The following KCNQ1 variants were observed in gnomAD, a reference collection of about 807,000 sequenced individuals.
KCNQ1 encodes potassium voltage-gated channel subfamily Q member 1.
A neutral mutation model predicts 72.4 loss-of-function variants in KCNQ1; 49 were observed. The ratio of observed to expected loss-of-function variants is 0.68; its 90% CI spans 0.54 to 0.86. The LOEUF (loss-of-function observed/expected upper bound fraction) is 0.86. Among genes scored for constraint, KCNQ1 ranks in the 40% least tolerant of loss-of-function variants. The pLI, the probability that KCNQ1 is intolerant of heterozygous loss-of-function variation, is 0.00. For missense variants in KCNQ1, 790 were observed against 945.1 expected (o/e 0.84, Z 2.15); for synonymous variants, 450 against 412.6 (o/e 1.09, Z -1.10).
chr11:2,761,000 C>A (rs990673722), intron 11 of KCNQ1, among the ~76,000 whole-genome samples: 1 of 152,242 alleles, frequency 6.6e-6, no homozygotes, highest in African/African-American at 2.4e-5. Flanking sequence ...CAGTTAGACC[C>A]CCTGCCTTAC....
At position 2,621,429 on chromosome 11, in the gene KCNQ1, T is replaced by A; in HGVS notation, c.1393+32575T>A. 2.5e-6 allele frequency: 1 copy of A among 398,656 alleles called. No homozygotes were observed. The highest frequency in any genetic ancestry group is 4.4e-6 in the Non-Finnish European group (1 of 226,070). The allele number at this position is 398,656 out of a possible 1,614,324, so 24.7% of individuals were successfully genotyped here. On this transcript the variant is annotated intron_variant, in intron 10 of 15. Coordinates refer to ENST00000155840, the MANE Select transcript of KCNQ1 (RefSeq NM_000218.3). This position sits in a 1 kb window ranked among gnomAD's most constrained non-coding sequence, Gnocchi z 5.7. ...CTTGTTGATTGGTTTAAGTTCCTTA[T>A]GGATTCTGGACATAGGACCTTTGCC...
In KCNQ1 at chr11:2,567,028, A is replaced by G. The variant is rs1484990057; in HGVS notation, c.478-3600A>G. ...TCCTGACACAGGGTCCTGAGGAGGC[A>G]GGGGTGCCCCAGGGAATGGGGGGCA... On this transcript the variant is annotated intron_variant, in intron 2 of 15. Coordinates refer to ENST00000155840, the MANE Select transcript of KCNQ1 (RefSeq NM_000218.3). The surrounding 1 kb of genome is among the most constrained non-coding windows in gnomAD (Gnocchi z 6.6). 6.8e-6 allele frequency among the ~76,000 whole-genome samples: 1 copy of G among 147,674 alleles called. No homozygotes were observed. The highest frequency in any genetic ancestry group is 2.5e-5 in the African/African-American group (1 of 40,248).
At chr11:2,846,360 A>G (rs1009919480) in intron 15 of KCNQ1, among the ~76,000 whole-genome samples, 1 of 151,760 alleles carries the variant, frequency 6.6e-6, no homozygotes, top group Non-Finnish European at 1.5e-5. Context: ...CCCCTCCCCC[A>G]CCACTTCTAG....
Position 2,550,511 on chromosome 11 carries a change from G to A in KCNQ1, c.478-20117G>A, listed in dbSNP as rs926440236. Among the ~76,000 whole-genome samples, 5 of 152,204 alleles carry A rather than the reference G, an allele frequency of 3.3e-5. No individual in the cohort carries two copies. The highest frequency in any genetic ancestry group is 9.7e-5 in the African/African-American group (4 of 41,442). On this transcript the variant is annotated intron_variant, in intron 2 of 15. Coordinates refer to ENST00000155840, the MANE Select transcript of KCNQ1 (RefSeq NM_000218.3). This position sits in a 1 kb window ranked among gnomAD's most constrained non-coding sequence, Gnocchi z 6.0. ...TGGAAAGCAGCCAAGGGCACTGCCC[G>A]CCCTGGGAGCTGATGCCTGACATGC...
At chr11:2,757,713 A>C (rs902950699) in intron 11 of KCNQ1, among the ~76,000 whole-genome samples, 1 of 152,248 alleles carries the variant, frequency 6.6e-6, no homozygotes, top group African/African-American at 2.4e-5. Flanking sequence ...AGGAATAAGC[A>C]TGTAGCTCAA....
rs909047201 is a variant in KCNQ1, at chr11:2,691,168, T to A, written c.1514+29087T>A. On this transcript the variant is annotated intron_variant, in intron 11 of 15. Transcript: ENST00000155840. This position sits in a 1 kb window ranked among gnomAD's most constrained non-coding sequence, Gnocchi z 6.4. The stretch of plus-strand genomic sequence containing the variant: ...GCTGGCCTCTGGCCTCTCACAGCCT[T>A]GGGAGGGGTGCTCAGAGCTCAGCTG... 7.5e-6 allele frequency: 3 copies of A among 398,610 alleles called. No individual in the cohort carries two copies. Among genetic ancestry groups the A allele is most frequent in the Middle Eastern group, 6.3e-4 (1 of 1,588 alleles). 24.7% of individuals were successfully genotyped at this position (398,610 alleles called of 1,614,324 possible).
At chr11:2,650,363 A>G (rs1849738245) in intron 10 of KCNQ1, 1 of 398,470 alleles carries the variant, frequency 2.5e-6, no homozygotes, top group Non-Finnish European at 4.4e-6. Context: ...TGATATCTGC[A>G]TATCTGGAAT....
At chr11:2,832,739 T>A (rs1244942680) in intron 15 of KCNQ1, among the ~76,000 whole-genome samples, 1 of 152,120 alleles carries the variant, frequency 6.6e-6, no homozygotes, top group Non-Finnish European at 1.5e-5. Flanking sequence ...GGCCCAGCTG[T>A]GGGGTGAAAG....
Position 2,768,080 on chromosome 11 carries a change from A to G in KCNQ1, c.1515-764A>G, listed in dbSNP as rs1846528695. Among the ~76,000 whole-genome samples the G allele has an allele frequency of 6.6e-6, 1 of 152,174 alleles. No individual in the cohort carries two copies. Among genetic ancestry groups the G allele is most frequent in the Admixed American group, 6.5e-5 (1 of 15,288 alleles). ...TCTTTCTTGGTCTCCAAAGCCTCAC[A>G]CAGCTGTTCCTTGCTGTTGGCATCA... On this transcript the variant is annotated intron_variant, in intron 11 of 15. Coordinates refer to ENST00000155840, the MANE Select transcript of KCNQ1 (RefSeq NM_000218.3). This position sits in a 1 kb window ranked among gnomAD's most constrained non-coding sequence, Gnocchi z 6.7.
At chr11:2,800,085 G>C in intron 15 of KCNQ1, among the ~76,000 whole-genome samples, 1 of 152,230 alleles carries the variant, frequency 6.6e-6, no homozygotes, top group Admixed American at 6.5e-5. Context: ...GGACCTGGGG[G>C]CTGTGAGCAG....
chr11:2,540,105 C>T (rs1029527297), intron 2 of KCNQ1, among the ~76,000 whole-genome samples: 13 of 152,106 alleles, frequency 8.5e-5, no homozygotes, highest in African/African-American at 3.1e-4. Flanking sequence ...CTGTGGGGCC[C>T]ACTGGCCATG....
Position 2,827,640 on chromosome 11 carries a change from T to G in KCNQ1, c.1795-20127T>G, listed in dbSNP as rs1371656648. ...TGTTGATTAAAAAAAAAAAGTGGGG[T>G]CGGGGGGGCGGGGGAGAGCGGCTAT... is the stretch of plus-strand genomic sequence containing the variant. On this transcript the variant is annotated intron_variant, in intron 15 of 15. Transcript: ENST00000155840. This position sits in a 1 kb window ranked among gnomAD's most constrained non-coding sequence, Gnocchi z 6.7. Among the ~76,000 whole-genome samples the G allele has an allele frequency of 0.019, 438 of 23,012 alleles. No individual in the cohort carries two copies. The highest frequency in any genetic ancestry group is 0.025 in the Admixed American group (41 of 1,652). 15.1% of individuals were successfully genotyped at this position (23,012 alleles called of 152,430 possible).
chr11:2,832,624 G>A lies in KCNQ1; in HGVS notation c.1795-15143G>A, dbSNP rs138547554. 2.3e-3 allele frequency among the ~76,000 whole-genome samples: 354 copies of A among 152,330 alleles called. 2 individuals carry two copies. Among genetic ancestry groups the A allele is most frequent in the Admixed American group, 6.5e-3 (99 of 15,308 alleles). On this transcript the variant is annotated intron_variant, in intron 15 of 15. Coordinates refer to ENST00000155840, the MANE Select transcript of KCNQ1 (RefSeq NM_000218.3). ...CCCTGCTGCCTGGGAGACCACAGTT[G>A]CAGCAGGAAGCCCTCCTCAGGTCTG...
chr11:2,717,041 C>T (rs1343798359), intron 11 of KCNQ1, among the ~76,000 whole-genome samples: 1 of 152,198 alleles, frequency 6.6e-6, no homozygotes, highest in African/African-American at 2.4e-5. Flanking sequence ...CAAACAGCCC[C>T]CCAGATGTCC....
At chr11:2,585,518 CA>C (rs888407314) in intron 8 of KCNQ1, among the ~76,000 whole-genome samples, 8 of 152,262 alleles carry the variant, frequency 5.3e-5, no homozygotes, top group African/African-American at 1.9e-4. Flanking sequence ...CTGCTCCCAT[CA>C]AGGGCCATGC....
chr11:2,556,625 C>T (rs763062127), intron 2 of KCNQ1, among the ~76,000 whole-genome samples: 2 of 152,190 alleles, frequency 1.3e-5, no homozygotes, highest in African/African-American at 4.8e-5. Flanking sequence ...TTGTCAAGCC[C>T]TGTTCTAAAC....
chr11:2,582,122 A>G (rs1479888865), intron 6 of KCNQ1, among the ~76,000 whole-genome samples: 1 of 152,166 alleles, frequency 6.6e-6, no homozygotes, highest in Non-Finnish European at 1.5e-5. Context: ...GCTCATCGGT[A>G]CAGCCTGGTT....
At chr11:2,558,509 G>C (rs1286705364) in intron 2 of KCNQ1, among the ~76,000 whole-genome samples, 1 of 152,226 alleles carries the variant, frequency 6.6e-6, no homozygotes, top group African/African-American at 2.4e-5. Flanking sequence ...CAGCCTGTGG[G>C]CACTCTGCCT....
intron 11 of KCNQ1, among the ~76,000 whole-genome samples, chr11:2,702,436 GTCCACCC>G (rs1850831823): frequency 6.6e-6 from 1 of 152,148 alleles, no homozygotes; most frequent in Admixed American, 6.5e-5. Flanking sequence ...TTAAAATGGT[GTCCACCC>G]TCCTACTAAA....
Sources: allele counts gnomAD v4.1 joint callset (sites outside exome capture counted in the v4.1 genomes callset), GRCh38; gene constraint gnomAD v4.1.1; non-coding constraint Gnocchi (gnomAD v3.1); transcripts MANE v1.5; gene names NCBI Gene and HGNC (gene_info 2026-07-23, HGNC 2026-07-21).